RIPOR3: variants seen among roughly 807,000 people sequenced by gnomAD.
RIPOR3 encodes family with sequence similarity 65 member C.
Under a neutral mutation model 114.3 loss-of-function variants are expected in RIPOR3, and 95 were observed. The ratio of observed to expected loss-of-function variants is 0.83; its 90% CI spans 0.70 to 0.99. RIPOR3 has a LOEUF of 0.99. Ranked by LOEUF, RIPOR3 falls within the 50% of genes least tolerant of loss-of-function variation. RIPOR3 has a pLI of 0.00. For synonymous variants in RIPOR3, 575 were observed against 543.8 expected, an observed-to-expected ratio of 1.06 and a Z score of -0.80; for missense variants, 1,252 against 1,266.9, an observed-to-expected ratio of 0.99 and a Z score of 0.18.
intron 1 of RIPOR3, among the ~76,000 whole-genome samples, chr20:50,688,929 G>GTGGGCA (rs1385240595): frequency 6.6e-6 from 1 of 152,192 alleles, no homozygotes; most frequent in Non-Finnish European, 1.5e-5. Context: ...TCAGCAACCA[G>GTGGGCA]TGGGCATCTG....
chr20:50,648,752 G>A (rs932111893), intron 1 of RIPOR3, among the ~76,000 whole-genome samples: 2 of 151,966 alleles, frequency 1.3e-5, no homozygotes, highest in African/African-American at 2.4e-5. Context: ...GCATGCAGCC[G>A]AGATCCCTCG....
At chr20:50,662,655 G>A (rs1157918819) in intron 1 of RIPOR3, among the ~76,000 whole-genome samples, 2 of 152,164 alleles carry the variant, frequency 1.3e-5, no homozygotes, top group Non-Finnish European at 2.9e-5. Context: ...ACCTTCTCTC[G>A]TGGACCCACA....
intron 1 of RIPOR3, among the ~76,000 whole-genome samples, chr20:50,685,899 C>A (rs567459216): frequency 3.5e-4 from 53 of 150,772 alleles, no homozygotes; most frequent in African/African-American, 1.3e-3. Context: ...TCTTCATGGG[C>A]TCACATGGAA....
intron 19 of RIPOR3, among the ~76,000 whole-genome samples, chr20:50,590,873 A>C (rs938611995): frequency 6.7e-6 from 1 of 148,320 alleles, no homozygotes; most frequent in African/African-American, 2.5e-5. Context: ...GGGGTGCAGT[A>C]GCACAATCTC....
intron 12 of RIPOR3, 89 bp downstream of exon 12, chr20:50,604,556 G>A (rs2083628176): frequency 1.4e-6 from 2 of 1,463,764 alleles, no homozygotes; most frequent in East Asian, 2.6e-5. Context: ...TGCCATGTCT[G>A]GGAGGGCCAG....
chr20:50,612,866 G>A (rs2084023528), intron 4 of RIPOR3, among the ~76,000 whole-genome samples: 1 of 152,208 alleles, frequency 6.6e-6, no homozygotes, highest in South Asian at 2.1e-4. Flanking sequence ...GCCAAGGCAG[G>A]AGGATCACCT....
At chr20:50,626,465 G>GGGAT (rs1352267627) in intron 2 of RIPOR3, among the ~76,000 whole-genome samples, 2 of 152,228 alleles carry the variant, frequency 1.3e-5, no homozygotes, top group African/African-American at 2.4e-5. Context: ...TGGTGTCAAG[G>GGGAT]GGATGGATCA....
intron 1 of RIPOR3, among the ~76,000 whole-genome samples, chr20:50,670,661 A>C (rs2086444785): frequency 6.6e-6 from 1 of 152,158 alleles, no homozygotes; most frequent in African/African-American, 2.4e-5. Flanking sequence ...CCTGTGGAGC[A>C]TTGTGTTAGT....
intron 1 of RIPOR3, among the ~76,000 whole-genome samples, chr20:50,666,224 T>TTTC (rs937470489): frequency 4.9e-4 from 50 of 101,866 alleles, no homozygotes; most frequent in Non-Finnish European, 6.9e-4. Context: ...TTTCTTTTCT[T>TTTC]TTTTGAGACG....
intron 11 of RIPOR3, among the ~76,000 whole-genome samples, chr20:50,607,897 CAG>C (rs1381229566): frequency 6.6e-6 from 1 of 152,212 alleles, no homozygotes; most frequent in East Asian, 1.9e-4. Context: ...TTCCTTAGAA[CAG>C]AGAGCTCTGG....
In RIPOR3 at chr20:50,602,804, C is replaced by A. The variant is rs1454858024; in HGVS notation, c.1087-160G>T. ...CAGCATCCCAGAGGTGCAGAAAAAACCCTGTCCCCTCTCTGCACTTATCCC... is the reference window on the plus strand; with the variant it reads ...CAGCATCCCAGAGGTGCAGAAAAAAACCTGTCCCCTCTCTGCACTTATCCC... On this transcript the variant is annotated intron_variant, in intron 12 of 21. Coordinates refer to ENST00000327979, the MANE Select transcript of RIPOR3 (RefSeq NM_001290268.2). The surrounding 1 kb of genome is among the most constrained non-coding windows in gnomAD (Gnocchi z 4.3). Among the ~76,000 whole-genome samples, 2 of 152,196 alleles carry A rather than the reference C, an allele frequency of 1.3e-5. No homozygotes were observed. The highest frequency in any genetic ancestry group is 2.9e-5 in the Non-Finnish European group (2 of 68,026).
chr20:50,608,473 T>C lies in RIPOR3; in HGVS notation c.872A>G (p.Asp291Gly). The C allele has an allele frequency of 6.2e-7, 1 of 1,613,740 alleles. No individual in the cohort carries two copies. The highest frequency in any genetic ancestry group is 8.5e-7 in the Non-Finnish European group (1 of 1,179,878). The stretch of plus-strand genomic sequence containing the variant: ...GACCTGCGGCCGCGTCGTGAAGAAG[T>C]CGGCGATGTCACACGTCACTGCACC... ...AVGAVTCDIA[D>G]FFTTRPQVIV... The change falls in exon 11 of 22, where the codon GAC (aspartate) becomes GGC (glycine). Residue 291 changes from aspartate to glycine, a missense_variant. Physicochemically the swap from Asp to Gly is moderately conservative, Grantham distance 94 (BLOSUM62 -1). Coordinates refer to ENST00000327979, the MANE Select transcript of RIPOR3 (RefSeq NM_001290268.2).
chr20:50,659,592 A>C (rs901846536), intron 1 of RIPOR3, among the ~76,000 whole-genome samples: 1 of 146,952 alleles, frequency 6.8e-6, no homozygotes, highest in Non-Finnish European at 1.5e-5. Context: ...GGTTGCAGTG[A>C]GCCGAGATCA....
rs761469011 is a variant in RIPOR3, at chr20:50,616,118, G to C, written c.270-38C>G. 4 of 1,589,566 alleles carry C rather than the reference G, an allele frequency of 2.5e-6. No individual in the cohort carries two copies. In the South Asian group the frequency reaches 3.4e-5, roughly 14 times the overall value. On this transcript the variant is annotated intron_variant, in intron 3 of 21. Transcript: ENST00000327979. ...CAAGGAAGAGTTTCAAATGGAAGAG[G>C]AAGAAGAAAGGGAAAGGAAGTAGGC... is the stretch of plus-strand genomic sequence containing the variant.
At chr20:50,595,571 G>C in intron 15 of RIPOR3, 67 bp from the exon 16 acceptor site, 1 of 1,584,364 alleles carries the variant, frequency 6.3e-7, no homozygotes, top group Non-Finnish European at 8.6e-7. Context: ...TGTTACGGCT[G>C]TGGCTCCCAC....
rs1414689225 is a variant in RIPOR3, at chr20:50,587,224, A to G, written c.*8T>C. On this transcript the variant is annotated 3_prime_UTR_variant, in exon 22 of 22. Coordinates refer to ENST00000327979, the MANE Select transcript of RIPOR3 (RefSeq NM_001290268.2). ...GATGTGAGATTTGTGCTCATCAGCC[A>G]GGATTTTTTAAAATATTGTGATTTC... is the stretch of plus-strand genomic sequence containing the variant. 2 of 1,610,228 alleles carry G rather than the reference A, an allele frequency of 1.2e-6. No homozygotes were observed. The highest frequency in any genetic ancestry group is 1.6e-4 in the Middle Eastern group (1 of 6,078).
intron 1 of RIPOR3, among the ~76,000 whole-genome samples, chr20:50,665,323 TG>T (rs1367910803): frequency 6.7e-6 from 1 of 149,302 alleles, no homozygotes; most frequent in Non-Finnish European, 1.5e-5. Flanking sequence ...GATGTGTGAC[TG>T]TGGTCCCAGC....
Position 50,602,482 on chromosome 20 carries a change from C to T in RIPOR3, c.1249G>A (p.Asp417Asn), listed in dbSNP as rs1415101788. ...GACGCCGACGTGCTGGTCTCCGTGT[C>T]TCGGGGGTCCTCAGAGCTGAAGGAG... ...MDSFSSEDPR[D>N]TETSTSASTS... is the part of the protein sequence containing the mutation. The change falls in exon 13 of 22, where the codon GAC (aspartate) becomes AAC (asparagine). Residue 417 changes from aspartate to asparagine, a missense_variant. Coordinates refer to ENST00000327979, the MANE Select transcript of RIPOR3 (RefSeq NM_001290268.2). This position sits in a 1 kb window ranked among gnomAD's most constrained non-coding sequence, Gnocchi z 4.3. The T allele has an allele frequency of 6.4e-7, 1 of 1,558,586 alleles. No homozygotes were observed. The highest frequency in any genetic ancestry group is 8.7e-7 in the Non-Finnish European group (1 of 1,149,460).
intron 14 of RIPOR3, chr20:50,597,355 G>A (rs934560017): frequency 6.9e-6 from 4 of 580,384 alleles, no homozygotes; most frequent in Non-Finnish European, 9.0e-6. Context: ...AAGGCTCAGG[G>A]GCAGGCTGGG....
Sources: allele counts gnomAD v4.1 joint callset (sites outside exome capture counted in the v4.1 genomes callset), GRCh38; gene constraint gnomAD v4.1.1; non-coding constraint Gnocchi (gnomAD v3.1); transcripts MANE v1.5; gene names NCBI Gene and HGNC (gene_info 2026-07-23, HGNC 2026-07-21).